The following USP20 variants were observed in gnomAD, a reference collection of about 807,000 sequenced individuals.
USP20 encodes ubiquitin carboxyl-terminal hydrolase 20.
In USP20, 80 loss-of-function variants were observed where a neutral mutation model predicts 124.2. The ratio of observed to expected loss-of-function variants is 0.64; its 90% CI spans 0.54 to 0.78. The LOEUF (loss-of-function observed/expected upper bound fraction) is 0.78, where lower values mean the gene tolerates loss of function less well. USP20 is among the 30% of genes least tolerant of loss of function. USP20 has a pLI of 0.00. For missense variants in USP20, 1,043 were observed against 1,244.4 expected (o/e 0.84, Z 2.44); for synonymous variants, 481 against 512.3 (o/e 0.94, Z 0.83).
intron 15 of USP20, 116 bp downstream of exon 15, chr9:129,870,663 A>C: frequency 8.3e-7 from 1 of 1,202,390 alleles, no homozygotes; most frequent in Non-Finnish European, 1.2e-6. Flanking sequence ...GCCAGGCTAG[A>C]CTTGGCTTCC....
At chr9:129,871,839 C>T (rs953463977) in intron 15 of USP20, among the ~76,000 whole-genome samples, 6 of 152,002 alleles carry the variant, frequency 3.9e-5, no homozygotes, top group Non-Finnish European at 8.8e-5. Flanking sequence ...GCCTCAGCCT[C>T]CCGAGTAGCT....
rs1017651686 is a variant in USP20 at position 129,849,940 on chromosome 9, C to T, written c.-17+16C>T. The T allele has an allele frequency of 3.4e-5, 5 of 146,438 alleles. No individual in the cohort carries two copies. Among genetic ancestry groups the T allele is most frequent in the African/African-American group, 8.0e-5 (3 of 37,608 alleles). The allele number at this position is 146,438 out of a possible 1,614,324, so 9.1% of individuals were successfully genotyped here. A position where few individuals can be genotyped will look rare whatever the true frequency, so the allele number is the denominator to read the frequency against. ...TCACCCAGAGGTAAGCCCATGGCCT[C>T]CTCTCGGGTCCCTTCAACACGGACT... On this transcript the variant is annotated intron_variant, in intron 2 of 25. Transcript: ENST00000372429.
In USP20 at chr9:129,861,616, G is replaced by A; in HGVS notation, c.497+4G>A. 3 of 1,614,054 alleles carry A rather than the reference G, an allele frequency of 1.9e-6. No homozygotes were observed. The South Asian group carries it at 3.3e-5, about 18-fold the overall frequency. On this transcript the variant is annotated splice_donor_region_variant and intron_variant, in intron 8 of 25. Transcript: ENST00000372429. ...CCCTGCAGGCCCTGTCCAATTGGTAGGTCGACACTTTGTCCGAGGGCCGAG... is the reference window on the plus strand; with the variant it reads ...CCCTGCAGGCCCTGTCCAATTGGTAAGTCGACACTTTGTCCGAGGGCCGAG...
Position 129,863,581 on chromosome 9 carries a change from C to T in USP20, c.611+282C>T, listed in dbSNP as rs114136072. 5.0e-3 allele frequency among the ~76,000 whole-genome samples: 767 copies of T among 152,290 alleles called. 3 individuals carry two copies. The highest frequency in any genetic ancestry group is 0.018 in the African/African-American group (728 of 41,548). ...CCTACTGTTGACCCTACCGAGCAGC[C>T]ACTGGTAGATGTCTTTGCCAAGAGA... On this transcript the variant is annotated intron_variant, in intron 9 of 25. Coordinates refer to ENST00000372429, the MANE Select transcript of USP20 (RefSeq NM_001110303.4).
intron 1 of USP20, among the ~76,000 whole-genome samples, chr9:129,838,064 C>T (rs1043840031): frequency 2.8e-5 from 4 of 144,796 alleles, no homozygotes; most frequent in Admixed American, 7.0e-5. Context: ...TTTTTTGAGA[C>T]GGAGTCTCAC....
intron 9 of USP20, among the ~76,000 whole-genome samples, chr9:129,863,700 ATTAAT>A (rs553107028): frequency 2.0e-4 from 31 of 152,342 alleles, no homozygotes; most frequent in African/African-American, 7.5e-4. Context: ...ACAGTATGAA[ATTAAT>A]TTAAAGATCA....
chr9:129,880,339 C>T (rs2034590781), intron 25 of USP20, 50 bp downstream of exon 25: 3 of 1,508,572 alleles, frequency 2.0e-6, no homozygotes, highest in Non-Finnish European at 8.9e-7. Context: ...CCTCTCCTCA[C>T]TCTCCAGAGA....
At chr9:129,876,553 C>T (rs546875492) in intron 22 of USP20, among the ~76,000 whole-genome samples, 71 of 151,376 alleles carry the variant, frequency 4.7e-4, no homozygotes, top group South Asian at 1.5e-3. Context: ...GCAGGATAAT[C>T]GCTTGAACCT....
At chr9:129,845,916 T>G (rs1359120407) in intron 1 of USP20, among the ~76,000 whole-genome samples, 1 of 152,038 alleles carries the variant, frequency 6.6e-6, no homozygotes, top group Admixed American at 6.6e-5. Flanking sequence ...AGGTTTTTTT[T>G]GTTTTGTTTT....
intron 15 of USP20, among the ~76,000 whole-genome samples, chr9:129,871,819 C>T (rs1041994035): frequency 1.5e-4 from 23 of 151,964 alleles, no homozygotes; most frequent in Non-Finnish European, 2.4e-4. Context: ...TGGGTTTAAG[C>T]GATTCTCCTG....
At chr9:129,871,863 C>G (rs1270463734) in intron 15 of USP20, among the ~76,000 whole-genome samples, 3 of 151,834 alleles carry the variant, frequency 2.0e-5, no homozygotes, top group Non-Finnish European at 2.9e-5. Flanking sequence ...ATTACAGGCA[C>G]ATGCCACCAC....
intron 6 of USP20, among the ~76,000 whole-genome samples, chr9:129,859,983 AGTT>A (rs2033450097): frequency 1.3e-5 from 2 of 152,106 alleles, no homozygotes; most frequent in Non-Finnish European, 2.9e-5. Flanking sequence ...AGTGAGCTAT[AGTT>A]GTGCTACTGC....
intron 19 of USP20, 44 bp downstream of exon 19, chr9:129,874,999 GT>G (rs1564221705): frequency 1.2e-6 from 2 of 1,602,928 alleles, no homozygotes; most frequent in Non-Finnish European, 1.7e-6. Flanking sequence ...CACCATCCCC[GT>G]CCCCTGGGAC....
intron 6 of USP20, among the ~76,000 whole-genome samples, chr9:129,860,719 G>A (rs1230263609): frequency 6.6e-6 from 1 of 152,320 alleles, no homozygotes; most frequent in African/African-American, 2.4e-5. Flanking sequence ...GCAAGACCCT[G>A]TCTCTAAAAA....
chr9:129,845,628 G>T (rs1055698684), intron 1 of USP20, among the ~76,000 whole-genome samples: 3 of 151,958 alleles, frequency 2.0e-5, no homozygotes, highest in African/African-American at 7.3e-5. Context: ...TGAGCTTAAG[G>T]GATCCTCCCT....
At chr9:129,845,909 T>G (rs1486638088) in intron 1 of USP20, among the ~76,000 whole-genome samples, 4 of 151,574 alleles carry the variant, frequency 2.6e-5, no homozygotes, top group East Asian at 1.9e-4. Context: ...TAATAATAGG[T>G]TTTTTTTGTT....
intron 2 of USP20, among the ~76,000 whole-genome samples, chr9:129,851,258 CTTTT>C (rs35791819): frequency 2.4e-5 from 3 of 126,232 alleles, no homozygotes; most frequent in Non-Finnish European, 3.3e-5. Flanking sequence ...ATAACACATA[CTTTT>C]TTTTTTTTTT....
At position 129,869,395 on chromosome 9, in the gene USP20, C is replaced by T; in HGVS notation, c.1362C>T (p.Leu454=). The T allele has an allele frequency of 6.2e-7, 1 of 1,613,686 alleles. No homozygotes were observed. Among genetic ancestry groups the T allele is most frequent in the Non-Finnish European group, 8.5e-7 (1 of 1,179,988 alleles). Residue 454 remains leucine (L), a synonymous_variant, in exon 13 of 26, where the codon CTC becomes CTT. Coordinates refer to ENST00000372429, the MANE Select transcript of USP20 (RefSeq NM_001110303.4). ...VISDIFDGSI[L]SLVQCLTCDR... is the part of the protein sequence containing the mutation. ...CAGACATCTTTGACGGCTCCATTCT[C>T]AGCCTTGTGCAGTGTCTCACCTGTG... is the stretch of plus-strand genomic sequence containing the variant.
intron 13 of USP20, 92 bp from the exon 14 acceptor site, chr9:129,869,580 G>C: frequency 6.4e-7 from 1 of 1,568,014 alleles, no homozygotes; most frequent in Non-Finnish European, 8.7e-7. Context: ...TATGGCCTGG[G>C]GAGTAGTCCC....
Sources: allele counts gnomAD v4.1 joint callset (sites outside exome capture counted in the v4.1 genomes callset), GRCh38; gene constraint gnomAD v4.1.1; transcripts MANE v1.5; gene names NCBI Gene and HGNC (gene_info 2026-07-23, HGNC 2026-07-21).